Variants in SPAG9 observed in about 807,000 individuals in gnomAD.
SPAG9 encodes sperm associated antigen 9.
A neutral mutation model predicts 166.5 loss-of-function variants in SPAG9; 35 were observed. The observed-to-expected ratio is 0.21, with a 90% confidence interval of 0.16 to 0.28. The LOEUF (loss-of-function observed/expected upper bound fraction) is 0.28, where lower values mean the gene tolerates loss of function less well. Among genes scored for constraint, SPAG9 ranks in the 10% least tolerant of loss-of-function variants. The pLI, the probability that SPAG9 is intolerant of heterozygous loss-of-function variation, is 1.00. For missense variants in SPAG9, 1,235 were observed against 1,603.3 expected, an observed-to-expected ratio of 0.77 and a Z score of 3.92; for synonymous variants, 534 against 565.5, an observed-to-expected ratio of 0.94 and a Z score of 0.79.
chr17:50,998,531 T>G lies in SPAG9; in HGVS notation c.1751A>C (p.His584Pro), dbSNP rs889139756. Reference protein sequence around the residue: ...VNLKYNAPTSHVTPSVKKRSS... With the variant: ...VNLKYNAPTSPVTPSVKKRSS... ...TCTTTTCTTGACGGACGGAGTAACA[T>G]GAGACGTGGGTGCATTGTACTTCAG... is the stretch of plus-strand genomic sequence containing the variant. Residue 584 changes from histidine (H) to proline (P), a missense_variant, in exon 15 of 30, where the codon CAT becomes CCT. His to Pro is a moderately conservative substitution (Grantham distance 77, BLOSUM62 -2). This residue lies in a region of SPAG9 where 493 missense variants were observed against 559.4 expected (regional missense o/e 0.88). Transcript: ENST00000262013. 1 of 1,614,026 alleles carries G rather than the reference T, an allele frequency of 6.2e-7. No individual in the cohort carries two copies. The highest frequency in any genetic ancestry group is 8.5e-7 in the Non-Finnish European group (1 of 1,180,002).
intron 1 of SPAG9, among the ~76,000 whole-genome samples, chr17:51,111,694 C>T (rs2049116204): frequency 6.6e-6 from 1 of 152,108 alleles, no homozygotes; most frequent in African/African-American, 2.4e-5. Context: ...CCTCCGCCTC[C>T]CAGGTACAAG....
intron 2 of SPAG9, among the ~76,000 whole-genome samples, chr17:51,076,216 A>G (rs2047966444): frequency 7.1e-6 from 1 of 140,700 alleles, no homozygotes; most frequent in South Asian, 2.3e-4. Context: ...TGAGCTCAGG[A>G]GTTCAAGACC....
At chr17:50,970,275 A>G (rs1238166821) in intron 29 of SPAG9, among the ~76,000 whole-genome samples, 1 of 152,166 alleles carries the variant, frequency 6.6e-6, no homozygotes, top group Non-Finnish European at 1.5e-5. Flanking sequence ...CCCAGCTGGA[A>G]GGCCGAGGCA....
In SPAG9 at chr17:50,998,461, A is replaced by G; in HGVS notation, c.1821T>C (p.Phe607=). The G allele has an allele frequency of 6.2e-7, 1 of 1,613,578 alleles. No homozygotes were observed. Among genetic ancestry groups the G allele is most frequent in the Non-Finnish European group, 8.5e-7 (1 of 1,179,818 alleles). ...SQLPGDKSKA[F]DFLSEETEAS... The stretch of plus-strand genomic sequence containing the variant: ...AGACTTACTCTTCACTAAGGAAATC[A>G]AAGGCTTTGGACTTATCCCCAGGGA... Residue 607 remains phenylalanine, a synonymous_variant, in exon 15 of 30, where the codon TTT becomes TTC. Coordinates refer to ENST00000262013, the MANE Select transcript of SPAG9 (RefSeq NM_001130528.3).
At chr17:51,005,829 C>T (rs961593205) in intron 11 of SPAG9, among the ~76,000 whole-genome samples, 43 of 152,186 alleles carry the variant, frequency 2.8e-4, no homozygotes, top group African/African-American at 1.0e-3. Flanking sequence ...CCAGCCTGGG[C>T]AACAGGAGTG....
intron 2 of SPAG9, among the ~76,000 whole-genome samples, chr17:51,067,113 A>G (rs1886581198): frequency 6.6e-6 from 1 of 152,220 alleles, no homozygotes; most frequent in Admixed American, 6.5e-5. Context: ...AAGATCATAT[A>G]TAATTGATCA....
At chr17:51,077,013 GCTAGCTATCTAGCTAT>G (rs1333417565) in intron 2 of SPAG9, among the ~76,000 whole-genome samples, 2,705 of 62,176 alleles carry the variant, frequency 0.044, 103 homozygotes, top group African/African-American at 0.1. Flanking sequence ...TAGCTAGCTA[GCTAGCTATCTAGCTAT>G]CTATCTAGCT....
At chr17:51,093,315 G>C (rs2048520264) in intron 1 of SPAG9, among the ~76,000 whole-genome samples, 1 of 151,842 alleles carries the variant, frequency 6.6e-6, no homozygotes, top group Non-Finnish European at 1.5e-5. Flanking sequence ...GCAGAAAGGG[G>C]CATGTACAAA....
chr17:51,107,607 C>T (rs925351563), intron 1 of SPAG9, among the ~76,000 whole-genome samples: 6 of 151,710 alleles, frequency 4.0e-5, no homozygotes, highest in African/African-American at 1.5e-4. Flanking sequence ...CATGGTGGCA[C>T]GCGCCTATAC....
chr17:51,106,102 T>TACACACACACACACACACACAC (rs71149344), intron 1 of SPAG9, among the ~76,000 whole-genome samples: 27 of 110,652 alleles, frequency 2.4e-4, no homozygotes, highest in South Asian at 3.8e-4. Flanking sequence ...CCCCCATCTC[T>TACACACACACACACACACACAC]ACACACACAC....
chr17:51,009,185 T>C (rs1370737929), intron 9 of SPAG9: 1 of 450,934 alleles, frequency 2.2e-6, no homozygotes, highest in Non-Finnish European at 4.4e-6. Context: ...GAATCTCAAT[T>C]AGATTGTTTT....
At chr17:51,003,182 T>C (rs2045039343) in intron 12 of SPAG9, among the ~76,000 whole-genome samples, 1 of 151,680 alleles carries the variant, frequency 6.6e-6, no homozygotes, top group Non-Finnish European at 1.5e-5. Flanking sequence ...AAGGCTGTGG[T>C]GGGATATGAT....
chr17:51,088,760 T>C (rs1199698436), intron 1 of SPAG9, among the ~76,000 whole-genome samples: 1 of 150,954 alleles, frequency 6.6e-6, no homozygotes, highest in Non-Finnish European at 1.5e-5. Flanking sequence ...ATCGTGCCAC[T>C]GCACTCCAGC....
intron 2 of SPAG9, among the ~76,000 whole-genome samples, chr17:51,070,636 G>A (rs2047797471): frequency 6.6e-6 from 1 of 151,818 alleles, no homozygotes. Context: ...ATTCCACAAA[G>A]GATTTGAGAC....
At chr17:51,101,243 G>A (rs186166690) in intron 1 of SPAG9, among the ~76,000 whole-genome samples, 33 of 151,526 alleles carry the variant, frequency 2.2e-4, no homozygotes, top group African/African-American at 8.0e-4. Context: ...CTACTTGGGA[G>A]GCTGAGGCAG....
rs77805614 is a variant in SPAG9 at position 50,981,761 on chromosome 17, G to A, written c.3237+763C>T. The stretch of plus-strand genomic sequence containing the variant: ...AAGAAAACAATGCTAGGCCGGACGC[G>A]GTGGCTCATGCCTTAACCCCAGGAC... On this transcript the variant is annotated intron_variant, in intron 25 of 29. Coordinates refer to ENST00000262013, the MANE Select transcript of SPAG9 (RefSeq NM_001130528.3). Among the ~76,000 whole-genome samples, 533 of 151,426 alleles carry A rather than the reference G, an allele frequency of 3.5e-3. 4 individuals are homozygous for A. The highest frequency in any genetic ancestry group is 0.012 in the South Asian group (58 of 4,808).
chr17:51,114,565 G>A (rs2144795148), intron 1 of SPAG9, among the ~76,000 whole-genome samples: 1 of 151,788 alleles, frequency 6.6e-6, no homozygotes, highest in Middle Eastern at 3.5e-3. Flanking sequence ...AGAAGGCAGA[G>A]GTTGCAGTAA....
In SPAG9 at chr17:50,975,975, C is replaced by T. The variant is rs947857971; in HGVS notation, c.3524-1028G>A. The stretch of plus-strand genomic sequence containing the variant: ...AGGAGAGAATTACTGTGAGCCACCA[C>T]TCTCAGCGTCTTCTATCTGGTAAAC... On this transcript the variant is annotated intron_variant, in intron 27 of 29. Transcript: ENST00000262013. The T allele has an allele frequency of 3.6e-6, 4 of 1,122,470 alleles. No homozygotes were observed. The African/African-American group carries it at 4.6e-5, about 13-fold the overall frequency. The allele number at this position is 1,122,470 out of a possible 1,614,324, so 69.5% of individuals were successfully genotyped here. A position where few individuals can be genotyped will look rare whatever the true frequency, so the allele number is the denominator to read the frequency against.
chr17:51,045,177 A>G (rs2046975881), intron 4 of SPAG9, among the ~76,000 whole-genome samples: 1 of 152,178 alleles, frequency 6.6e-6, no homozygotes, highest in Non-Finnish European at 1.5e-5. Context: ...AGGCAGTTCA[A>G]TTCCAAAGCC....
Sources: allele counts gnomAD v4.1 joint callset (sites outside exome capture counted in the v4.1 genomes callset), GRCh38; gene constraint gnomAD v4.1.1; regional missense constraint gnomAD v4.1.1; transcripts MANE v1.5; gene names NCBI Gene and HGNC (gene_info 2026-07-23, HGNC 2026-07-21).